SLC8A1: variants seen among roughly 807,000 people sequenced by gnomAD.
SLC8A1 encodes sodium/calcium exchanger 1.
A neutral mutation model predicts 68.3 loss-of-function variants in SLC8A1; 18 were observed. That is an observed-to-expected ratio of 0.26 (90% CI 0.18 to 0.39). SLC8A1 has a LOEUF of 0.39. Among genes scored for constraint, SLC8A1 ranks in the 10% least tolerant of loss-of-function variants. SLC8A1 has a pLI of 1.00. For synonymous variants in SLC8A1, 475 were observed against 415.5 expected (o/e 1.14, Z -1.74); for missense variants, 985 against 1,156.7 (o/e 0.85, Z 2.15).
At chr2:40,354,118 T>A (rs1671967371) in intron 2 of SLC8A1, among the ~76,000 whole-genome samples, 1 of 152,140 alleles carries the variant, frequency 6.6e-6, no homozygotes. Context: ...TATTTTCAGA[T>A]CTCCCTCCAT....
chr2:40,336,122 A>T (rs79475256), intron 2 of SLC8A1, among the ~76,000 whole-genome samples: 21,762 of 152,056 alleles, frequency 0.14, 2,062 homozygotes, highest in African/African-American at 0.25. Flanking sequence ...GCTGTTCTCT[A>T]CAATGCTCCA....
chr2:40,284,324 T>C (rs1348353793), intron 2 of SLC8A1, among the ~76,000 whole-genome samples: 1 of 146,378 alleles, frequency 6.8e-6, no homozygotes, highest in Non-Finnish European at 1.5e-5. Context: ...GATATTGACA[T>C]ATATATAGAT....
At chr2:40,097,716 G>T (rs2033657679) in exon 8 of SLC8A1, 1 of 151,898 alleles carries the variant, frequency 6.6e-6, no homozygotes, top group Admixed American at 6.6e-5. Context: ...AGCATTTCTG[G>T]TAAAAATAAA....
chr2:40,477,987 G>A (rs915293357), intron 1 of SLC8A1, among the ~76,000 whole-genome samples: 4 of 152,072 alleles, frequency 2.6e-5, no homozygotes, highest in Admixed American at 6.6e-5. Flanking sequence ...TAAATAAATG[G>A]CACTTTTATT....
intron 6 of SLC8A1, among the ~76,000 whole-genome samples, chr2:40,157,513 G>A (rs143794634): frequency 1.3e-5 from 2 of 152,266 alleles, no homozygotes; most frequent in East Asian, 1.9e-4. Flanking sequence ...ACTGGCACTG[G>A]CATCCTGGTT....
intron 2 of SLC8A1, among the ~76,000 whole-genome samples, chr2:40,322,851 C>CA (rs1371184697): frequency 1.3e-5 from 2 of 149,614 alleles, no homozygotes; most frequent in African/African-American, 4.9e-5. Context: ...CACACACACA[C>CA]CACACACACC....
chr2:40,499,926 C>G (rs546904306), intron 1 of SLC8A1, among the ~76,000 whole-genome samples: 2 of 152,050 alleles, frequency 1.3e-5, no homozygotes, highest in African/African-American at 2.4e-5. Context: ...GTCCATGGAG[C>G]CACAAGCACA....
intron 2 of SLC8A1, among the ~76,000 whole-genome samples, chr2:40,260,273 G>A (rs1047477969): frequency 2.0e-5 from 3 of 152,098 alleles, no homozygotes; most frequent in African/African-American, 7.2e-5. Flanking sequence ...AACCACAAAA[G>A]GGAACCAGGG....
chr2:40,207,060 G>A (rs1345776852), intron 2 of SLC8A1, among the ~76,000 whole-genome samples: 5 of 151,988 alleles, frequency 3.3e-5, no homozygotes, highest in African/African-American at 1.2e-4. Context: ...ATTTAATTAA[G>A]ACCAAAAACA....
intron 2 of SLC8A1, among the ~76,000 whole-genome samples, chr2:40,205,816 G>GAAA (rs199504864): frequency 7.0e-5 from 9 of 128,856 alleles, no homozygotes; most frequent in Non-Finnish European, 1.3e-4. Flanking sequence ...AAAATATCTT[G>GAAA]AAAAAAAAAA....
intron 2 of SLC8A1, among the ~76,000 whole-genome samples, chr2:40,418,595 T>G (rs946078385): frequency 6.6e-6 from 1 of 152,208 alleles, no homozygotes; most frequent in East Asian, 1.9e-4. Context: ...TGCTCATGCT[T>G]AATAAGCTCA....
At chr2:40,164,376 G>A (rs2072530) in intron 5 of SLC8A1, among the ~76,000 whole-genome samples, 28,487 of 152,156 alleles carry the variant, frequency 0.19, 3,451 homozygotes, top group East Asian at 0.63. Flanking sequence ...TGAAGAGGAT[G>A]ATTAAATATA....
intron 2 of SLC8A1, among the ~76,000 whole-genome samples, chr2:40,347,226 CT>C (rs1669644627): frequency 6.6e-6 from 1 of 152,244 alleles, no homozygotes; most frequent in African/African-American, 2.4e-5. Flanking sequence ...CCCCAAACCA[CT>C]GGCCTCAAAC....
intron 2 of SLC8A1, among the ~76,000 whole-genome samples, chr2:40,335,803 T>C (rs1665782538): frequency 2.6e-5 from 4 of 152,236 alleles, no homozygotes; most frequent in Non-Finnish European, 4.4e-5. Flanking sequence ...CATGATTATC[T>C]GGCTCTATGT....
At position 40,275,258 on chromosome 2, in the gene SLC8A1, G is replaced by T. The variant is rs2066548497; in HGVS notation, c.1809-97403C>A. Among the ~76,000 whole-genome samples the T allele has an allele frequency of 2.0e-5, 3 of 152,222 alleles. No homozygotes were observed. The South Asian group carries it at 6.2e-4, about 32-fold the overall frequency. On this transcript the variant is annotated intron_variant, in intron 2 of 7. Transcript: ENST00000406785. ...GTAAGTAACTAATTATGACCATGAG[G>T]CACCTACAGGACAGAGAGGCCATAA...
At chr2:40,270,948 C>T (rs1381963124) in intron 2 of SLC8A1, among the ~76,000 whole-genome samples, 19 of 152,104 alleles carry the variant, frequency 1.2e-4, no homozygotes, top group East Asian at 1.9e-4. Flanking sequence ...TTCATTTTAT[C>T]ACCTTCACTG....
intron 2 of SLC8A1, among the ~76,000 whole-genome samples, chr2:40,401,021 T>C (rs572874377): frequency 6.6e-6 from 1 of 152,312 alleles, no homozygotes; most frequent in East Asian, 1.9e-4. Flanking sequence ...ATTTGCATGG[T>C]GTTTTACAGT....
intron 2 of SLC8A1, among the ~76,000 whole-genome samples, chr2:40,419,107 C>T (rs1052052325): frequency 3.3e-5 from 5 of 152,176 alleles, no homozygotes; most frequent in African/African-American, 1.2e-4. Flanking sequence ...ATGGCAGAGG[C>T]TATGTCTTAG....
At chr2:40,477,591 C>G (rs1052188439) in intron 1 of SLC8A1, among the ~76,000 whole-genome samples, 5 of 152,206 alleles carry the variant, frequency 3.3e-5, no homozygotes, top group African/African-American at 9.7e-5. Context: ...GAAAGTTTTC[C>G]TTCCTCTGGC....
Sources: gnomAD v4.1 joint callset for allele counts (sites outside exome capture counted in the v4.1 genomes callset) on GRCh38, gnomAD v4.1.1 for gene constraint, MANE v1.5 for transcripts, NCBI Gene and HGNC (gene_info 2026-07-23, HGNC 2026-07-21) for gene names.